GLI3: variants seen among roughly 807,000 people sequenced by gnomAD.
The protein encoded by GLI3 is GLI family zinc finger 3.
Under a neutral mutation model 100.8 loss-of-function variants are expected in GLI3, and 20 were observed. That is an observed-to-expected ratio of 0.20 (90% CI 0.14 to 0.29). The LOEUF (loss-of-function observed/expected upper bound fraction) is 0.29. Among genes scored for constraint, GLI3 ranks in the 10% least tolerant of loss-of-function variants. The probability of loss-of-function intolerance (pLI) is 1.00; values close to 1 mark genes in which losing one functional copy is unlikely to be tolerated. For synonymous variants in GLI3, 938 were observed against 860.5 expected, an observed-to-expected ratio of 1.09 and a Z score of -1.58; for missense variants, 2,040 against 2,128.5, an observed-to-expected ratio of 0.96 and a Z score of 0.82.
chr7:42,136,271 G>A (rs1786426304), intron 3 of GLI3, among the ~76,000 whole-genome samples: 1 of 152,184 alleles, frequency 6.6e-6, no homozygotes, highest in Admixed American at 6.5e-5. Context: ...ACCATGAGAA[G>A]GACAACGTTT....
chr7:41,969,527 A>T (rs1296117098), intron 13 of GLI3, among the ~76,000 whole-genome samples: 2 of 152,198 alleles, frequency 1.3e-5, no homozygotes, highest in African/African-American at 4.8e-5. Flanking sequence ...CAAATAAGTT[A>T]TACAAATTTG....
chr7:42,050,109 G>T (rs371410347), intron 4 of GLI3, among the ~76,000 whole-genome samples: 95 of 152,218 alleles, frequency 6.2e-4, no homozygotes, highest in Middle Eastern at 3.4e-3. Context: ...GAAAATGAAA[G>T]AAGTTGAAAT....
intron 3 of GLI3, among the ~76,000 whole-genome samples, chr7:42,142,452 C>T (rs1482482604): frequency 6.6e-6 from 1 of 152,124 alleles, no homozygotes; most frequent in African/African-American, 2.4e-5. Context: ...GGGTGGTCTT[C>T]AAGCTTCTCC....
Position 41,964,621 on chromosome 7 carries a change from A to G in GLI3, c.4452T>C (p.Ala1484=). The change falls in exon 15 of 15, where the codon GCT becomes GCC. Residue 1484 remains alanine (A), a synonymous_variant. Transcript: ENST00000395925. The part of the protein sequence containing the change: ...AKNSELLSPG[A]NQVTSTVDSL... ...TGTCCACTGTGCTTGTCACCTGATT[A>G]GCACCTGGGGAAAGTAACTCAGAGT... is the stretch of plus-strand genomic sequence containing the variant. 1 of 1,614,082 alleles carries G rather than the reference A, an allele frequency of 6.2e-7. No homozygotes were observed.
chr7:42,005,339 G>T (rs979731445), intron 10 of GLI3, among the ~76,000 whole-genome samples: 3 of 151,954 alleles, frequency 2.0e-5, no homozygotes, highest in African/African-American at 7.3e-5. Flanking sequence ...TACCGTATGT[G>T]ACTATAATGT....
At chr7:42,044,460 A>G (rs75172276) in intron 6 of GLI3, among the ~76,000 whole-genome samples, 5,337 of 152,338 alleles carry the variant, frequency 0.035, 123 homozygotes, top group Middle Eastern at 0.071. Context: ...ATGCGTCTAC[A>G]TAAGTGACCC....
intron 3 of GLI3, among the ~76,000 whole-genome samples, chr7:42,130,497 T>C (rs1005948542): frequency 2.6e-5 from 4 of 152,212 alleles, no homozygotes; most frequent in Admixed American, 1.3e-4. Context: ...TTAAAGTTCT[T>C]AGAAATTAAG....
rs1787262744 is a variant in GLI3 at position 41,968,717 on chromosome 7, A to AAAGAAAGAAAGAAAG, written c.2104-809_2104-795dup. On this transcript the variant is annotated intron_variant, in intron 13 of 14. Coordinates refer to ENST00000395925, the MANE Select transcript of GLI3 (RefSeq NM_000168.6). ...AGAAAGAAAGAAAGAAAGAAAGAAG[A>AAAGAAAGAAAGAAAG]AAGAAAGAAAGAAAGAAAGAAAGAA... Among the ~76,000 whole-genome samples, 38 of 103,726 alleles carry AAAGAAAGAAAGAAAG rather than the reference A, an allele frequency of 3.7e-4. 1 individual carries two copies. Among genetic ancestry groups the AAAGAAAGAAAGAAAG allele is most frequent in the African/African-American group, 1.7e-3 (36 of 21,006 alleles). The allele number at this position is 103,726 out of a possible 152,430, so 68.0% of individuals were successfully genotyped here. A position where few individuals can be genotyped will look rare whatever the true frequency, so the allele number is the denominator to read the frequency against.
intron 3 of GLI3, among the ~76,000 whole-genome samples, chr7:42,100,613 A>G (rs1259588606): frequency 6.6e-6 from 1 of 151,524 alleles, no homozygotes; most frequent in African/African-American, 2.4e-5. Context: ...GTGGTGGTGC[A>G]CGCCTGTAGT....
At chr7:42,186,465 G>C (rs1787718276) in intron 2 of GLI3, among the ~76,000 whole-genome samples, 1 of 152,142 alleles carries the variant, frequency 6.6e-6, no homozygotes, top group African/African-American at 2.4e-5. Flanking sequence ...AAGGCCTTTT[G>C]AGAGTCTCAA....
At chr7:42,263,577 G>A (rs1789167414) in intron 1 of GLI3, among the ~76,000 whole-genome samples, 1 of 152,120 alleles carries the variant, frequency 6.6e-6, no homozygotes, top group South Asian at 2.1e-4. Context: ...CTCTGGAGTA[G>A]CTAGGATTAC....
chr7:42,165,788 C>G (rs1338060049), intron 2 of GLI3, among the ~76,000 whole-genome samples: 1 of 152,116 alleles, frequency 6.6e-6, no homozygotes, highest in Non-Finnish European at 1.5e-5. Flanking sequence ...TACTAATATT[C>G]TAAATAATTC....
chr7:42,140,589 C>T (rs1052989481), intron 3 of GLI3, among the ~76,000 whole-genome samples: 58 of 152,078 alleles, frequency 3.8e-4, no homozygotes, highest in African/African-American at 1.4e-3. Context: ...AACAAGAATC[C>T]AAACTATATC....
chr7:42,219,402 AC>A (rs1349773112), intron 2 of GLI3, among the ~76,000 whole-genome samples: 1 of 152,216 alleles, frequency 6.6e-6, no homozygotes, highest in African/African-American at 2.4e-5. Flanking sequence ...CCTAAATGTT[AC>A]AAAAATCAAA....
At chr7:42,124,984 G>T (rs1014622092) in intron 3 of GLI3, among the ~76,000 whole-genome samples, 1 of 152,142 alleles carries the variant, frequency 6.6e-6, no homozygotes, top group Non-Finnish European at 1.5e-5. Flanking sequence ...AAGACAATGG[G>T]TCAAAAGAAC....
At chr7:42,209,400 C>T (rs187114851) in intron 2 of GLI3, among the ~76,000 whole-genome samples, 261 of 152,296 alleles carry the variant, frequency 1.7e-3, no homozygotes, top group Non-Finnish European at 3.1e-3. Context: ...TTGGCCTAAA[C>T]AAAATCTTCA....
chr7:42,248,994 A>C (rs1259907499), intron 1 of GLI3, among the ~76,000 whole-genome samples: 1 of 152,084 alleles, frequency 6.6e-6, no homozygotes, highest in East Asian at 1.9e-4. Flanking sequence ...CATTCACCTC[A>C]GCCTCCCAAA....
upstream of GLI3, among the ~76,000 whole-genome samples, chr7:42,242,747 T>G (rs538478179): frequency 5.9e-5 from 9 of 152,332 alleles, no homozygotes; most frequent in East Asian, 1.2e-3. Flanking sequence ...TCTTGTCTTT[T>G]AAGTTTCACC....
intron 6 of GLI3, among the ~76,000 whole-genome samples, chr7:42,041,620 G>T (rs1784139874): frequency 6.6e-6 from 1 of 152,094 alleles, no homozygotes; most frequent in African/African-American, 2.4e-5. Flanking sequence ...CAGAACAACT[G>T]AAGTAGCAGG....
Sources: allele counts gnomAD v4.1 joint callset (sites outside exome capture counted in the v4.1 genomes callset), GRCh38; gene constraint gnomAD v4.1.1; transcripts MANE v1.5; gene names NCBI Gene and HGNC (gene_info 2026-07-23, HGNC 2026-07-21).